Variants in KSR2 observed in about 807,000 individuals in gnomAD.
KSR2 encodes kinase suppressor of ras 2.
Under a neutral mutation model 107.8 loss-of-function variants are expected in KSR2, and 25 were observed. The ratio of observed to expected loss-of-function variants is 0.23; its 90% CI spans 0.17 to 0.32. The LOEUF (loss-of-function observed/expected upper bound fraction) is 0.32, where lower values mean the gene tolerates loss of function less well. Among genes scored for constraint, KSR2 ranks in the 10% least tolerant of loss-of-function variants. The pLI is 1.00. For synonymous variants in KSR2, 480 were observed against 507.0 expected (o/e 0.95, Z 0.71); for missense variants, 887 against 1,268.9 (o/e 0.70, Z 4.57).
At chr12:117,725,900 C>T (rs1887406660) in intron 4 of KSR2, among the ~76,000 whole-genome samples, 1 of 152,072 alleles carries the variant, frequency 6.6e-6, no homozygotes, top group Non-Finnish European at 1.5e-5. Context: ...GGTGTGGTGG[C>T]TCATGCCTAT....
chr12:117,925,498 AAGG>A (rs1895488028), intron 1 of KSR2, among the ~76,000 whole-genome samples: 1 of 152,178 alleles, frequency 6.6e-6, no homozygotes, highest in Non-Finnish European at 1.5e-5. Flanking sequence ...TTACTCTTTA[AAGG>A]AGAAGATCAT....
intron 3 of KSR2, among the ~76,000 whole-genome samples, chr12:117,804,667 G>A (rs1890953481): frequency 6.6e-6 from 1 of 152,066 alleles, no homozygotes. Flanking sequence ...TAAGGAACCG[G>A]CCTTCAAGAT....
intron 1 of KSR2, among the ~76,000 whole-genome samples, chr12:117,939,239 T>C (rs1895934643): frequency 6.6e-6 from 1 of 152,208 alleles, no homozygotes; most frequent in Non-Finnish European, 1.5e-5. Flanking sequence ...GTACTTACTG[T>C]TTATGAGAAA....
chr12:117,545,619 G>C (rs1876804326), intron 9 of KSR2, among the ~76,000 whole-genome samples: 1 of 152,152 alleles, frequency 6.6e-6, no homozygotes, highest in Non-Finnish European at 1.5e-5. Context: ...TGCAGGGTCT[G>C]TAGTGATGTC....
At chr12:117,639,753 G>T (rs1441845033) in intron 5 of KSR2, among the ~76,000 whole-genome samples, 1 of 151,634 alleles carries the variant, frequency 6.6e-6, no homozygotes, top group Non-Finnish European at 1.5e-5. Flanking sequence ...CCTCCCTCAT[G>T]GTGGGAGAAA....
chr12:117,727,214 A>T (rs1274144026), intron 4 of KSR2, among the ~76,000 whole-genome samples: 1 of 143,596 alleles, frequency 7.0e-6, no homozygotes, highest in Non-Finnish European at 1.6e-5. Context: ...CATCTCTATA[A>T]AAAAAAAAAA....
intron 3 of KSR2, among the ~76,000 whole-genome samples, chr12:117,800,151 G>A (rs974590179): frequency 1.3e-5 from 2 of 152,196 alleles, no homozygotes; most frequent in East Asian, 1.9e-4. Context: ...TGCTTTGGGG[G>A]CCTACAGCTC....
chr12:117,683,218 T>C (rs536714557), intron 4 of KSR2, among the ~76,000 whole-genome samples: 45 of 152,288 alleles, frequency 3.0e-4, no homozygotes, highest in East Asian at 1.2e-3. Context: ...AAATAGTATA[T>C]GACATATACT....
At chr12:117,482,225 C>T (rs972288507) in intron 16 of KSR2, among the ~76,000 whole-genome samples, 5 of 151,954 alleles carry the variant, frequency 3.3e-5, no homozygotes, top group African/African-American at 9.7e-5. Context: ...ATCAGCCCCC[C>T]AGATGTTTCA....
At chr12:117,892,554 A>G (rs1818133622) in intron 1 of KSR2, among the ~76,000 whole-genome samples, 1 of 152,102 alleles carries the variant, frequency 6.6e-6, no homozygotes, top group Non-Finnish European at 1.5e-5. Context: ...CCTATATACC[A>G]AAAGTCAGCA....
intron 4 of KSR2, among the ~76,000 whole-genome samples, chr12:117,675,709 G>A (rs1280602936): frequency 6.6e-6 from 1 of 152,182 alleles, no homozygotes; most frequent in African/African-American, 2.4e-5. Flanking sequence ...CCTCGAGCGT[G>A]TGGGTTGTGT....
At chr12:117,877,344 A>C (rs1893888440) in intron 1 of KSR2, among the ~76,000 whole-genome samples, 1 of 152,150 alleles carries the variant, frequency 6.6e-6, no homozygotes, top group Non-Finnish European at 1.5e-5. Context: ...CTCAAAAAAA[A>C]ACTTTCCGAT....
In KSR2 at chr12:117,539,716, T is replaced by C. The variant is rs1353156720; in HGVS notation, c.1687+3A>G. On this transcript the variant is annotated splice_donor_region_variant and intron_variant, in intron 10 of 19. Coordinates refer to ENST00000339824, the MANE Select transcript of KSR2 (RefSeq NM_173598.6). The stretch of plus-strand genomic sequence containing the variant: ...CCTCATGTCTCCCCAAGCATGGAGG[T>C]ACCTGGCAGGTTGAAGTTCTTCTGC... The C allele has an allele frequency of 1.3e-6, 2 of 1,597,086 alleles. No individual in the cohort carries two copies. The highest frequency in any genetic ancestry group is 1.7e-5 in the Admixed American group (1 of 58,108).
chr12:117,804,688 G>C (rs924467496), intron 3 of KSR2, among the ~76,000 whole-genome samples: 3 of 152,110 alleles, frequency 2.0e-5, no homozygotes, highest in African/African-American at 7.2e-5. Flanking sequence ...AATAAGCGTT[G>C]TGTTTCCTGC....
chr12:117,901,828 C>G (rs1332369159), intron 1 of KSR2, among the ~76,000 whole-genome samples: 2 of 152,082 alleles, frequency 1.3e-5, no homozygotes, highest in Non-Finnish European at 2.9e-5. Flanking sequence ...GGCGTACAAA[C>G]AGGTTAGACA....
intron 3 of KSR2, among the ~76,000 whole-genome samples, chr12:117,796,021 G>A (rs1566020224): frequency 6.6e-6 from 1 of 152,294 alleles, no homozygotes; most frequent in Non-Finnish European, 1.5e-5. Context: ...TAACCATCTG[G>A]GCTCAAATGA....
At chr12:117,620,448 G>A (rs1050442022) in intron 5 of KSR2, among the ~76,000 whole-genome samples, 4 of 152,178 alleles carry the variant, frequency 2.6e-5, no homozygotes, top group Non-Finnish European at 5.9e-5. Flanking sequence ...GCCATTAGTT[G>A]ATGTTTGCTT....
intron 5 of KSR2, among the ~76,000 whole-genome samples, chr12:117,647,029 A>G (rs1209626042): frequency 6.6e-6 from 1 of 152,208 alleles, no homozygotes; most frequent in East Asian, 1.9e-4. Context: ...GGAGAAAGAA[A>G]GACGGAGAGG....
chr12:117,719,137 AT>A (rs988006480), intron 4 of KSR2, among the ~76,000 whole-genome samples: 11 of 152,176 alleles, frequency 7.2e-5, no homozygotes, highest in African/African-American at 2.7e-4. Context: ...CATTGGCAAC[AT>A]TTACAAAAAC....
Sources: gnomAD v4.1 joint callset for allele counts (sites outside exome capture counted in the v4.1 genomes callset) on GRCh38, gnomAD v4.1.1 for gene constraint, MANE v1.5 for transcripts, NCBI Gene and HGNC (gene_info 2026-07-23, HGNC 2026-07-21) for gene names.